The following SAMD5 variants were observed in gnomAD, a reference collection of about 807,000 sequenced individuals.
SAMD5 encodes the protein sterile alpha motif domain containing 5.
A neutral mutation model predicts 11.3 loss-of-function variants in SAMD5; 13 were observed. The ratio of observed to expected loss-of-function variants is 1.15; its 90% confidence interval spans 0.75 to 1.83. The LOEUF is 1.83. SAMD5 is among the 40% of genes most tolerant of loss of function. The pLI is 0.00. For synonymous variants in SAMD5, 129 were observed against 111.3 expected (o/e 1.16, Z -1.00); for missense variants, 255 against 239.1 (o/e 1.07, Z -0.44).
chr6:147,914,836 C>A, the SAMD5 span, among the ~76,000 whole-genome samples: 5 of 152,042 alleles, frequency 3.3e-5, no homozygotes, highest in Admixed American at 3.3e-4. Context: ...ATAATGTCAC[C>A]TGTAATATTC....
At chr6:147,795,618 G>C in the SAMD5 span, among the ~76,000 whole-genome samples, 39 of 149,070 alleles carry the variant, frequency 2.6e-4, no homozygotes, top group South Asian at 1.7e-3. Context: ...ATTTCTAGTT[G>C]TAGATCCCTG....
chr6:147,916,426 C>T, the SAMD5 span, among the ~76,000 whole-genome samples: 2 of 152,100 alleles, frequency 1.3e-5, no homozygotes, highest in East Asian at 3.9e-4. Context: ...TGTTTCCTGA[C>T]TTTTTAATGA....
chr6:147,642,470 G>A (rs1459902430), intron 1 of SAMD5, among the ~76,000 whole-genome samples: 1 of 152,166 alleles, frequency 6.6e-6, no homozygotes, highest in Non-Finnish European at 1.5e-5. Context: ...ATACCAGTGA[G>A]CAAGATGAAC....
chr6:147,537,548 C>G (rs1049670671), intron 1 of SAMD5, among the ~76,000 whole-genome samples: 2 of 151,814 alleles, frequency 1.3e-5, no homozygotes, highest in South Asian at 2.1e-4. Flanking sequence ...GTCAGGAGAT[C>G]GAGACTATCC....
chr6:147,697,961 G>C (rs1211781259), intron 1 of SAMD5, among the ~76,000 whole-genome samples: 1 of 152,192 alleles, frequency 6.6e-6, no homozygotes, highest in African/African-American at 2.4e-5. Context: ...TTTTTCCAGA[G>C]TCCTGGGGTG....
At chr6:147,625,742 CTG>C (rs1213006255) in intron 1 of SAMD5, among the ~76,000 whole-genome samples, 1 of 152,148 alleles carries the variant, frequency 6.6e-6, no homozygotes, top group Non-Finnish European at 1.5e-5. Context: ...AAAGATGACT[CTG>C]TGGCAAAGAC....
At chr6:147,893,102 T>A in the SAMD5 span, among the ~76,000 whole-genome samples, 1 of 151,268 alleles carries the variant, frequency 6.6e-6, no homozygotes, top group African/African-American at 2.4e-5. Flanking sequence ...TAGTCCCAGC[T>A]GAGACAGGAG....
the SAMD5 span, among the ~76,000 whole-genome samples, chr6:147,947,088 T>C: frequency 6.6e-6 from 1 of 152,212 alleles, no homozygotes; most frequent in South Asian, 2.1e-4. Context: ...GTCGATTCCT[T>C]GCAAATCACT....
intron 1 of SAMD5, among the ~76,000 whole-genome samples, chr6:147,512,245 C>T (rs623379): frequency 0.31 from 46,645 of 151,986 alleles, 7,544 homozygotes; most frequent in African/African-American, 0.41. Flanking sequence ...AGTGAGCCAC[C>T]GCACCCCGCC....
At chr6:147,808,366 T>A in the SAMD5 span, among the ~76,000 whole-genome samples, 1 of 152,174 alleles carries the variant, frequency 6.6e-6, no homozygotes, top group Non-Finnish European at 1.5e-5. Context: ...GCCTAGCTAA[T>A]TTTTTAAAGT....
At chr6:147,790,238 A>C in the SAMD5 span, among the ~76,000 whole-genome samples, 1 of 152,278 alleles carries the variant, frequency 6.6e-6, no homozygotes, top group African/African-American at 2.4e-5. Flanking sequence ...TACAGTGATA[A>C]AAATAAATGG....
chr6:147,909,588 CT>C, the SAMD5 span, among the ~76,000 whole-genome samples: 26 of 67,194 alleles, frequency 3.9e-4, 2 homozygotes, highest in African/African-American at 2.3e-3. Context: ...TTCTTTCTTT[CT>C]TTCTTTCTTT....
At chr6:147,719,138 G>C (rs1791509443) in intron 1 of SAMD5, among the ~76,000 whole-genome samples, 1 of 152,214 alleles carries the variant, frequency 6.6e-6, no homozygotes, top group East Asian at 1.9e-4. Flanking sequence ...TCAGTGCTGT[G>C]ATGTCAAAGG....
At chr6:147,746,121 G>A in the SAMD5 span, among the ~76,000 whole-genome samples, 1,506 of 152,326 alleles carry the variant, frequency 9.9e-3, 13 homozygotes, top group Middle Eastern at 0.027. Context: ...GGATGGTTGT[G>A]AGGATGAGTA....
At chr6:147,606,963 C>CA (rs11377845) in intron 1 of SAMD5, among the ~76,000 whole-genome samples, 79,268 of 131,260 alleles carry the variant, frequency 0.6, 22,740 homozygotes, top group South Asian at 0.77. Flanking sequence ...CAGCTTTATC[C>CA]AAAAAAAAAA....
the SAMD5 span, among the ~76,000 whole-genome samples, chr6:147,801,281 C>G: frequency 1.3e-5 from 2 of 152,092 alleles, no homozygotes; most frequent in South Asian, 2.1e-4. Context: ...ACTTTACCCA[C>G]TCATTTAACA....
chr6:147,617,152 G>A (rs551201511), intron 1 of SAMD5, among the ~76,000 whole-genome samples: 1 of 152,028 alleles, frequency 6.6e-6, no homozygotes, highest in Admixed American at 6.6e-5. Context: ...CTTTCTTTAG[G>A]TGAGTCTTAT....
chr6:147,545,170 T>C (rs574630474), intron 1 of SAMD5, among the ~76,000 whole-genome samples: 1 of 152,234 alleles, frequency 6.6e-6, no homozygotes, highest in Non-Finnish European at 1.5e-5. Context: ...GCTATTAAGC[T>C]GCTTATTAGT....
Position 147,566,485 on chromosome 6 carries a change from C to G in SAMD5, c.*2029C>G. Reference sequence around the variant, plus strand: ...ATTTGCATGTACTTGTTGAACTTTGCTAGGAAGGACTCAATTTTTGAAAAA... The same window carrying G: ...ATTTGCATGTACTTGTTGAACTTTGGTAGGAAGGACTCAATTTTTGAAAAA... On this transcript the variant is annotated 3_prime_UTR_variant, in exon 2 of 2. Transcript: ENST00000367474. The G allele has an allele frequency of 2.0e-6, 2 of 985,638 alleles. No homozygotes were observed. The highest frequency in any genetic ancestry group is 2.4e-6 in the Non-Finnish European group (2 of 829,830). 61.1% of individuals were successfully genotyped at this position (985,638 alleles called of 1,614,324 possible). A position where few individuals can be genotyped will look rare whatever the true frequency, so the allele number is the denominator to read the frequency against.
Sources: allele counts gnomAD v4.1 joint callset (sites outside exome capture counted in the v4.1 genomes callset), GRCh38; gene constraint gnomAD v4.1.1; transcripts MANE v1.5; gene names NCBI Gene and HGNC (gene_info 2026-07-23, HGNC 2026-07-21).